The following SCLY variants were observed in gnomAD, a reference collection of about 807,000 sequenced individuals.
SCLY encodes the protein putative selenocysteine lyase.
A neutral mutation model predicts 50.1 loss-of-function variants in SCLY; 38 were observed. That is an observed-to-expected ratio of 0.76 (90% CI 0.59 to 0.99). The LOEUF (loss-of-function observed/expected upper bound fraction) is 0.99. Ranked by LOEUF, SCLY falls within the 50% of genes least tolerant of loss-of-function variation. The pLI is 0.00. For synonymous variants in SCLY, 243 were observed against 249.4 expected, an observed-to-expected ratio of 0.97 and a Z score of 0.24; for missense variants, 600 against 620.0, an observed-to-expected ratio of 0.97 and a Z score of 0.34.
intron 7 of SCLY, among the ~76,000 whole-genome samples, chr2:238,086,593 C>T (rs1443619086): frequency 6.6e-6 from 1 of 150,950 alleles, no homozygotes; most frequent in Non-Finnish European, 1.5e-5. Context: ...GTAGTCCCAG[C>T]TACTCAGGAG....
At chr2:238,082,240 G>A (rs879042936) in intron 6 of SCLY, 31 bp downstream of exon 6, 1 of 1,559,794 alleles carries the variant, frequency 6.4e-7, no homozygotes, top group Non-Finnish European at 8.7e-7. Context: ...TGCCTCTGTG[G>A]GCAGAGCCTA....
chr2:238,061,199 C>T (rs1419788677), intron 1 of SCLY, 56 bp downstream of exon 1: 1 of 1,330,652 alleles, frequency 7.5e-7, no homozygotes, highest in Non-Finnish European at 1.0e-6. Flanking sequence ...CCGATTGTCC[C>T]GCGCGGGAGG....
chr2:238,062,014 G>A (rs897694631), intron 1 of SCLY, among the ~76,000 whole-genome samples: 1 of 152,136 alleles, frequency 6.6e-6, no homozygotes, highest in Non-Finnish European at 1.5e-5. Context: ...CAAAGTGAAG[G>A]GATCTGGGAA....
At chr2:238,065,452 A>G (rs2065059084) in intron 2 of SCLY, among the ~76,000 whole-genome samples, 1 of 152,130 alleles carries the variant, frequency 6.6e-6, no homozygotes, top group Non-Finnish European at 1.5e-5. Flanking sequence ...TCAGGGAGAA[A>G]TCATGTTCTG....
chr2:238,077,736 C>G (rs1160483180), intron 4 of SCLY, among the ~76,000 whole-genome samples: 1 of 152,166 alleles, frequency 6.6e-6, no homozygotes. Flanking sequence ...GCCAGGCAGT[C>G]ATCTGATACC....
At chr2:238,062,011 A>G (rs1315112122) in intron 1 of SCLY, among the ~76,000 whole-genome samples, 1 of 152,210 alleles carries the variant, frequency 6.6e-6, no homozygotes, top group African/African-American at 2.4e-5. Flanking sequence ...GAACAAAGTG[A>G]AGGGATCTGG....
intron 4 of SCLY, among the ~76,000 whole-genome samples, chr2:238,073,017 T>C (rs1006277791): frequency 2.0e-5 from 3 of 152,266 alleles, no homozygotes; most frequent in Admixed American, 2.0e-4. Context: ...AAATCTGTGG[T>C]ACATTTTGAG....
In SCLY at chr2:238,077,097, T is replaced by C. The variant is rs562690339; in HGVS notation, c.485-4612T>C. Among the ~76,000 whole-genome samples the C allele has an allele frequency of 8.6e-4, 131 of 151,664 alleles. 3 individuals are homozygous for C. Among genetic ancestry groups the C allele is most frequent in the East Asian group, 5.8e-4 (3 of 5,186 alleles). ...CAGTATTATTAATCAGTGGTCTGAT[T>C]AATAGTTGATCACACTATTAATCAG... On this transcript the variant is annotated intron_variant, in intron 4 of 11. Transcript: ENST00000254663.
chr2:238,083,388 C>T lies in SCLY; in HGVS notation c.884+34C>T. ...GAAAGTTAACAAAGTCTCTGACCTA[C>T]TGACCGTGTCATTTGTAGAGCAGTG... On this transcript the variant is annotated intron_variant, in intron 7 of 11. Coordinates refer to ENST00000254663, the MANE Select transcript of SCLY (RefSeq NM_016510.7). The surrounding 1 kb of genome is among the most constrained non-coding windows in gnomAD (Gnocchi z 4.3). 1.4e-6 allele frequency: 2 copies of T among 1,416,874 alleles called. No homozygotes were observed. The highest frequency in any genetic ancestry group is 1.1e-5 in the South Asian group (1 of 87,042). 87.8% of individuals were successfully genotyped at this position (1,416,874 alleles called of 1,614,324 possible). A position where few individuals can be genotyped will look rare whatever the true frequency, so the allele number is the denominator to read the frequency against.
intron 4 of SCLY, chr2:238,079,457 A>T (rs2065211975): frequency 6.6e-6 from 1 of 152,170 alleles, no homozygotes; most frequent in South Asian, 2.1e-4. Flanking sequence ...TTGCCTTTTC[A>T]CATTATCTTC....
At chr2:238,087,517 C>A (rs890850237) in intron 7 of SCLY, among the ~76,000 whole-genome samples, 2 of 152,180 alleles carry the variant, frequency 1.3e-5, no homozygotes, top group African/African-American at 4.8e-5. Flanking sequence ...AGCTTTAAAA[C>A]TCCCCAAAGA....
intron 4 of SCLY, among the ~76,000 whole-genome samples, chr2:238,077,129 C>T (rs947554992): frequency 1.3e-5 from 2 of 151,994 alleles, no homozygotes; most frequent in African/African-American, 4.8e-5. Context: ...TCAGTTTCTC[C>T]CTTCAAACCT....
In SCLY at chr2:238,098,246, C is replaced by T. The variant is rs777801998; in HGVS notation, c.1229C>T (p.Ala410Val). The change falls in exon 12 of 12, where the codon GCC becomes GTC. Residue 410 changes from alanine (A) to valine (V), a missense_variant. Transcript: ENST00000254663. The stretch of plus-strand genomic sequence containing the variant: ...AGCTACGGTGTCCCCTTCGACGTGG[C>T]CAGGAACGCGCTCCGGCTCAGCGTG... ...LLSYGVPFDVARNALRLSVGR... is the reference protein window; with the variant it reads ...LLSYGVPFDVVRNALRLSVGR... 3 of 1,610,910 alleles carry T rather than the reference C, an allele frequency of 1.9e-6. No individual in the cohort carries two copies. Among genetic ancestry groups the T allele is most frequent in the African/African-American group, 2.7e-5 (2 of 74,878 alleles).
chr2:238,069,764 A>G lies in SCLY; in HGVS notation c.484+287A>G, dbSNP rs546717815. 2.9e-6 allele frequency: 1 copy of G among 345,432 alleles called. No homozygotes were observed. The highest frequency in any genetic ancestry group is 2.1e-5 in the African/African-American group (1 of 47,520). 21.4% of individuals were successfully genotyped at this position (345,432 alleles called of 1,614,324 possible). A position where few individuals can be genotyped will look rare whatever the true frequency, so the allele number is the denominator to read the frequency against. ...CCCTTAGGAAGTTCATTGAGAATGAATATGTAGAACTAGCCATTTGTATAA... is the reference window on the plus strand; with the variant it reads ...CCCTTAGGAAGTTCATTGAGAATGAGTATGTAGAACTAGCCATTTGTATAA... On this transcript the variant is annotated intron_variant, in intron 4 of 11. Transcript: ENST00000254663. The surrounding 1 kb of genome is among the most constrained non-coding windows in gnomAD (Gnocchi z 5.0).
Position 238,069,769 on chromosome 2 carries a change from T to TATAC in SCLY, c.484+293_484+294insTACA, listed in dbSNP as rs1260107569. ...AGGAAGTTCATTGAGAATGAATATG[T>TATAC]AGAACTAGCCATTTGTATAACTGAG... On this transcript the variant is annotated intron_variant, in intron 4 of 11. Coordinates refer to ENST00000254663, the MANE Select transcript of SCLY (RefSeq NM_016510.7). This position sits in a 1 kb window ranked among gnomAD's most constrained non-coding sequence, Gnocchi z 5.0. 4.8e-5 allele frequency: 16 copies of TATAC among 332,490 alleles called. No individual in the cohort carries two copies. The highest frequency in any genetic ancestry group is 3.0e-4 in the African/African-American group (14 of 47,232). 20.6% of individuals were successfully genotyped at this position (332,490 alleles called of 1,614,324 possible). A position where few individuals can be genotyped will look rare whatever the true frequency, so the allele number is the denominator to read the frequency against.
chr2:238,097,827 C>G (rs887024649), intron 11 of SCLY, among the ~76,000 whole-genome samples: 7 of 152,124 alleles, frequency 4.6e-5, no homozygotes, highest in Non-Finnish European at 8.8e-5. Context: ...ATGAAGTTAC[C>G]AAGTGGCTCA....
chr2:238,083,360 G>T lies in SCLY; in HGVS notation c.884+6G>T. 6.3e-7 allele frequency: 1 copy of T among 1,586,954 alleles called. No individual in the cohort carries two copies. Among genetic ancestry groups the T allele is most frequent in the Non-Finnish European group, 8.7e-7 (1 of 1,155,302 alleles). On this transcript the variant is annotated splice_donor_region_variant and intron_variant, in intron 7 of 11. Coordinates refer to ENST00000254663, the MANE Select transcript of SCLY (RefSeq NM_016510.7). This position sits in a 1 kb window ranked among gnomAD's most constrained non-coding sequence, Gnocchi z 4.3. ...GAACGGAATTTCAGGCCAGGGTAAGGCAGAAAGTTAACAAAGTCTCTGACC... is the reference window on the plus strand; with the variant it reads ...GAACGGAATTTCAGGCCAGGGTAAGTCAGAAAGTTAACAAAGTCTCTGACC...
intron 8 of SCLY, chr2:238,092,615 C>G (rs2065376320): frequency 6.6e-6 from 1 of 152,338 alleles, no homozygotes; most frequent in Non-Finnish European, 1.5e-5. Flanking sequence ...TGGAAGCCCC[C>G]CAGCCCCTGA....
chr2:238,098,642 C>A lies in SCLY; in HGVS notation c.*287C>A. 1 of 431,990 alleles carries A rather than the reference C, an allele frequency of 2.3e-6. No individual in the cohort carries two copies. The highest frequency in any genetic ancestry group is 4.2e-6 in the Non-Finnish European group (1 of 240,116). 26.8% of individuals were successfully genotyped at this position (431,990 alleles called of 1,614,324 possible). A position where few individuals can be genotyped will look rare whatever the true frequency, so the allele number is the denominator to read the frequency against. ...ATGGGACCGCCCACATGGGACCGCC[C>A]ACATGGGACCGCCCACATAGAACCG... On this transcript the variant is annotated 3_prime_UTR_variant, in exon 12 of 12. Coordinates refer to ENST00000254663, the MANE Select transcript of SCLY (RefSeq NM_016510.7).
Sources: allele counts gnomAD v4.1 joint callset (sites outside exome capture counted in the v4.1 genomes callset), GRCh38; gene constraint gnomAD v4.1.1; non-coding constraint Gnocchi (gnomAD v3.1); transcripts MANE v1.5; gene names NCBI Gene and HGNC (gene_info 2026-07-23, HGNC 2026-07-21).